The following RASAL2 variants were observed in gnomAD, a reference collection of about 807,000 sequenced individuals.
RASAL2 encodes ras GTPase-activating protein nGAP.
Under a neutral mutation model 128.9 loss-of-function variants are expected in RASAL2, and 58 were observed. The observed-to-expected ratio is 0.45, with a 90% CI of 0.36 to 0.56. The LOEUF (loss-of-function observed/expected upper bound fraction) is 0.56, where lower values mean the gene tolerates loss of function less well. RASAL2 is among the 20% of genes least tolerant of loss of function. The probability of loss-of-function intolerance (pLI) is 0.00; values close to 1 mark genes in which losing one functional copy is unlikely to be tolerated. For synonymous variants in RASAL2, 561 were observed against 580.8 expected (o/e 0.97, Z 0.49); for missense variants, 1,360 against 1,601.6 (o/e 0.85, Z 2.57).
chr1:178,335,999 T>C (rs1669568593), intron 3 of RASAL2, among the ~76,000 whole-genome samples: 1 of 151,874 alleles, frequency 6.6e-6, no homozygotes, highest in Non-Finnish European at 1.5e-5. Flanking sequence ...GGGAAAGCAC[T>C]CCAAGAGCCA....
At chr1:178,337,161 A>C (rs938362748) in intron 3 of RASAL2, among the ~76,000 whole-genome samples, 1 of 152,168 alleles carries the variant, frequency 6.6e-6, no homozygotes, top group Admixed American at 6.5e-5. Context: ...AAGTTCTAAA[A>C]ATATTTTGTG....
In RASAL2 at chr1:178,212,784, C is replaced by T. The variant is rs571509350; in HGVS notation, c.203-70780C>T. Among the ~76,000 whole-genome samples, 45 of 152,266 alleles carry T rather than the reference C, an allele frequency of 3.0e-4. No homozygotes were observed. The East Asian group carries it at 7.5e-3, about 25-fold the overall frequency. ...GGGATTACAGGCATGAGCCATGAGC[C>T]GCCGTGCCCGGCCACTTCTATCTAA... On this transcript the variant is annotated intron_variant, in intron 1 of 17. Coordinates refer to ENST00000367649, the MANE Select transcript of RASAL2 (RefSeq NM_170692.4).
intron 3 of RASAL2, among the ~76,000 whole-genome samples, chr1:178,302,402 T>C (rs1450304389): frequency 6.6e-6 from 1 of 152,188 alleles, no homozygotes; most frequent in East Asian, 1.9e-4. Context: ...TCCTGTTTAA[T>C]ATAGCATCAT....
chr1:178,327,662 G>A (rs903603597), intron 3 of RASAL2, among the ~76,000 whole-genome samples: 1 of 152,162 alleles, frequency 6.6e-6, no homozygotes, highest in African/African-American at 2.4e-5. Context: ...ACAGTTCATT[G>A]TTGAATCAGA....
At position 178,094,436 on chromosome 1, in the gene RASAL2, C is replaced by A; in HGVS notation, c.-57C>A. The A allele has an allele frequency of 6.9e-7, 1 of 1,452,372 alleles. No individual in the cohort carries two copies. 90.0% of individuals were successfully genotyped at this position (1,452,372 alleles called of 1,614,324 possible). ...CCCTTACCGCAGGCAGGGCGCGGAG[C>A]CGCGCGCCAGCCCGCCCCGAAGCCG... On this transcript the variant is annotated 5_prime_UTR_variant, in exon 1 of 18. Transcript: ENST00000367649.
Position 178,370,458 on chromosome 1 carries a change from T to G in RASAL2, c.458-19642T>G, listed in dbSNP as rs1445574410. On this transcript the variant is annotated intron_variant, in intron 3 of 17. Transcript: ENST00000367649. The stretch of plus-strand genomic sequence containing the variant: ...TTTAATAAAATGTCTTTTACACCTA[T>G]TTTTGTACTACTTCTCAATTTTTTG... 3.3e-5 allele frequency among the ~76,000 whole-genome samples: 5 copies of G among 152,230 alleles called. No individual in the cohort carries two copies. In the East Asian group the frequency reaches 9.6e-4, roughly 29 times the overall value.
intron 1 of RASAL2, among the ~76,000 whole-genome samples, chr1:178,257,770 A>G (rs970882575): frequency 6.7e-6 from 1 of 149,990 alleles, no homozygotes; most frequent in African/African-American, 2.4e-5. Context: ...TGAGCCCGTG[A>G]GTTGAGGCTG....
intron 4 of RASAL2, among the ~76,000 whole-genome samples, chr1:178,407,025 T>G (rs1395115135): frequency 6.6e-6 from 1 of 152,106 alleles, no homozygotes; most frequent in African/African-American, 2.4e-5. Flanking sequence ...TGTGCCCCAA[T>G]CCCAAAGATT....
intron 4 of RASAL2, among the ~76,000 whole-genome samples, chr1:178,393,421 C>T (rs376922746): frequency 9.2e-5 from 14 of 152,298 alleles, no homozygotes; most frequent in African/African-American, 3.4e-4. Flanking sequence ...CCCTCGCATG[C>T]GCAGTTCACA....
chr1:178,240,734 T>C (rs1664461829), intron 1 of RASAL2, among the ~76,000 whole-genome samples: 2 of 151,756 alleles, frequency 1.3e-5, no homozygotes, highest in South Asian at 4.1e-4. Flanking sequence ...AATAAAGTTA[T>C]TAAGCTAATT....
chr1:178,392,533 G>A (rs1370168243), intron 4 of RASAL2, among the ~76,000 whole-genome samples: 1 of 152,194 alleles, frequency 6.6e-6, no homozygotes, highest in African/African-American at 2.4e-5. Flanking sequence ...AAGCATTAAA[G>A]ATGTGTTTAT....
At position 178,212,190 on chromosome 1, in the gene RASAL2, CA is replaced by C. The variant is rs551061724; in HGVS notation, c.203-71367del. ...GACCCTGAAAAATTGTAAAACTTGC[CA>C]AAAAAACGGCAGAATAAAAACTTCA... On this transcript the variant is annotated intron_variant, in intron 1 of 17. Coordinates refer to ENST00000367649, the MANE Select transcript of RASAL2 (RefSeq NM_170692.4). Among the ~76,000 whole-genome samples, 455 of 151,854 alleles carry C rather than the reference CA, an allele frequency of 3.0e-3. 2 individuals are homozygous for C. Among genetic ancestry groups the C allele is most frequent in the Admixed American group, 7.8e-3 (119 of 15,260 alleles).
At chr1:178,410,867 A>C (rs1485402324) in intron 4 of RASAL2, among the ~76,000 whole-genome samples, 1 of 152,206 alleles carries the variant, frequency 6.6e-6, no homozygotes, top group Non-Finnish European at 1.5e-5. Context: ...AAATAAAAAA[A>C]TAACAGATGG....
At chr1:178,265,298 A>G (rs12030841) in intron 1 of RASAL2, among the ~76,000 whole-genome samples, 40,809 of 151,880 alleles carry the variant, frequency 0.27, 6,347 homozygotes, top group African/African-American at 0.44. Flanking sequence ...TTCCTCTGTC[A>G]CCCAGGCTGG....
rs61642582 is a variant in RASAL2, at chr1:178,113,511, AGTGTGTGTGTGTGTGTGTGTGTGTGT to A, written c.202+18846_202+18871del. ...ATGTGTGTGGGCATGCATGCCTGCG[AGTGTGTGTGTGTGTGTGTGTGTGTGT>A]GTGTGTGTGTGTGTGTGTGTGTGTG... On this transcript the variant is annotated intron_variant, in intron 1 of 17. Coordinates refer to ENST00000367649, the MANE Select transcript of RASAL2 (RefSeq NM_170692.4). Among the ~76,000 whole-genome samples the A allele has an allele frequency of 2.1e-3, 253 of 122,270 alleles. 1 individual carries two copies. The highest frequency in any genetic ancestry group is 7.6e-3 in the African/African-American group (242 of 32,044). 80.2% of individuals were successfully genotyped at this position (122,270 alleles called of 152,430 possible).
intron 1 of RASAL2, among the ~76,000 whole-genome samples, chr1:178,247,970 AG>A (rs1664852816): frequency 6.6e-6 from 1 of 152,090 alleles, no homozygotes; most frequent in South Asian, 2.1e-4. Flanking sequence ...GCATTTACTG[AG>A]GAGTGTTTTA....
intron 1 of RASAL2, among the ~76,000 whole-genome samples, chr1:178,159,410 C>A (rs1210732615): frequency 6.6e-6 from 1 of 152,128 alleles, no homozygotes; most frequent in Non-Finnish European, 1.5e-5. Flanking sequence ...TATCTTATTT[C>A]AGAGTAGTGC....
chr1:178,112,019 G>A (rs755419263), intron 1 of RASAL2, among the ~76,000 whole-genome samples: 8 of 152,078 alleles, frequency 5.3e-5, no homozygotes, highest in Non-Finnish European at 7.4e-5. Flanking sequence ...GTGAGCTACC[G>A]CTCCTGGCCT....
At chr1:178,443,420 G>C (rs1676803023) in intron 8 of RASAL2, among the ~76,000 whole-genome samples, 191 bp downstream of exon 8, 1 of 152,126 alleles carries the variant, frequency 6.6e-6, no homozygotes, top group Non-Finnish European at 1.5e-5. Context: ...AAAATGGAGA[G>C]ACCAGCAAAT....
Sources: allele counts gnomAD v4.1 joint callset (sites outside exome capture counted in the v4.1 genomes callset), GRCh38; gene constraint gnomAD v4.1.1; transcripts MANE v1.5; gene names NCBI Gene and HGNC (gene_info 2026-07-23, HGNC 2026-07-21).